The following PRH1 variants were observed in gnomAD, a reference collection of about 807,000 sequenced individuals.
PRH1 encodes the protein proline rich protein HaeIII subfamily 1.
In PRH1, 7 loss-of-function variants were observed where a neutral mutation model predicts 7.9. That is an observed-to-expected ratio of 0.89 (90% CI 0.50 to 1.67). PRH1 has a LOEUF of 1.67. Among genes scored for constraint, PRH1 ranks in the 40% most tolerant of loss-of-function variants. The pLI, the probability that PRH1 is intolerant of heterozygous loss-of-function variation, is 0.00. For synonymous variants in PRH1, 45 were observed against 80.8 expected, an observed-to-expected ratio of 0.56 and a Z score of 2.38; for missense variants, 109 against 223.6, an observed-to-expected ratio of 0.49 and a Z score of 3.27.
intron 2 of PRH1, among the ~76,000 whole-genome samples, chr12:10,892,712 G>A (rs1394419074): frequency 3.3e-5 from 5 of 152,018 alleles, no homozygotes; most frequent in Non-Finnish European, 7.4e-5. Flanking sequence ...AGAATTATGG[G>A]GCTTAGGAAT....
intron 1 of PRH1, among the ~76,000 whole-genome samples, chr12:11,170,864 A>G (rs1319071736): frequency 6.6e-6 from 1 of 152,242 alleles, no homozygotes; most frequent in Non-Finnish European, 1.5e-5. Context: ...TATTATGAAT[A>G]CAGAGACCTT....
At chr12:11,100,936 G>A (rs1220297508) in intron 1 of PRH1, among the ~76,000 whole-genome samples, 1 of 151,970 alleles carries the variant, frequency 6.6e-6, no homozygotes, top group Non-Finnish European at 1.5e-5. Context: ...CTAACAATGT[G>A]AATATAAATA....
At chr12:11,163,324 T>C (rs1041208302) in intron 1 of PRH1, among the ~76,000 whole-genome samples, 4 of 151,820 alleles carry the variant, frequency 2.6e-5, no homozygotes, top group African/African-American at 9.7e-5. Context: ...TATTAAATAA[T>C]CACTAAAAAT....
At chr12:10,989,774 G>A (rs531602175) in intron 1 of PRH1, among the ~76,000 whole-genome samples, 13 of 152,046 alleles carry the variant, frequency 8.6e-5, no homozygotes, top group Admixed American at 2.0e-4. Context: ...GTTAAAGTCC[G>A]CTATGGTTTT....
At chr12:11,141,776 G>A (rs973590432) in intron 1 of PRH1, among the ~76,000 whole-genome samples, 5 of 152,032 alleles carry the variant, frequency 3.3e-5, no homozygotes, top group Admixed American at 6.6e-5. Context: ...AGATACCAGT[G>A]AGAACTTCCT....
At chr12:11,143,798 C>G (rs1422714280) in intron 1 of PRH1, among the ~76,000 whole-genome samples, 1 of 152,118 alleles carries the variant, frequency 6.6e-6, no homozygotes, top group Non-Finnish European at 1.5e-5. Flanking sequence ...AATATATATG[C>G]ACTCAACACT....
At chr12:10,960,767 A>G (rs1392418210) in intron 2 of PRH1, among the ~76,000 whole-genome samples, 1 of 152,230 alleles carries the variant, frequency 6.6e-6, no homozygotes, top group African/African-American at 2.4e-5. Context: ...ATATCAGAAG[A>G]AGAGAGACAT....
At chr12:11,086,136 A>T (rs1944684533) in intron 1 of PRH1, among the ~76,000 whole-genome samples, 2 of 112,620 alleles carry the variant, frequency 1.8e-5, no homozygotes, top group African/African-American at 6.7e-5. Flanking sequence ...CTCATGGTTG[A>T]GTAAATTATT....
chr12:10,981,864 ATT>A (rs3033036), intron 1 of PRH1, among the ~76,000 whole-genome samples: 1 of 141,660 alleles, frequency 7.1e-6, no homozygotes. Flanking sequence ...CAAACAACTA[ATT>A]TTTTTTTTTT....
At chr12:10,914,176 A>G (rs966893402) in intron 2 of PRH1, among the ~76,000 whole-genome samples, 3 of 152,348 alleles carry the variant, frequency 2.0e-5, no homozygotes, top group East Asian at 3.9e-4. Context: ...TAAATCACAT[A>G]TTTGAAAGTT....
chr12:10,989,278 T>C (rs991639803), intron 1 of PRH1, among the ~76,000 whole-genome samples: 3 of 152,230 alleles, frequency 2.0e-5, no homozygotes, highest in Non-Finnish European at 4.4e-5. Context: ...CTTGCATCTT[T>C]ATGTGATTCA....
At chr12:10,955,615 AC>A (rs1937915177) in intron 2 of PRH1, among the ~76,000 whole-genome samples, 2 of 152,118 alleles carry the variant, frequency 1.3e-5, no homozygotes, top group South Asian at 2.1e-4. Flanking sequence ...ATTAAAAAAA[AC>A]ATACAAAAGG....
chr12:11,090,086 C>T (rs190240842), intron 1 of PRH1, among the ~76,000 whole-genome samples: 2 of 103,256 alleles, frequency 1.9e-5, no homozygotes, highest in East Asian at 2.3e-4. Flanking sequence ...TATTAATGAA[C>T]GTAATAGAAT....
rs546242474 is a variant in PRH1, at chr12:10,965,271, C to G, written c.-59+8384G>C. On this transcript the variant is annotated intron_variant, in intron 2 of 3. Transcript: ENST00000539853. Reference sequence around the variant, plus strand: ...ACCCACTCAATGGAATTTACCAACACTATGAAGCCATTAGCAAAATTCCCA... The same window carrying G: ...ACCCACTCAATGGAATTTACCAACAGTATGAAGCCATTAGCAAAATTCCCA... The G allele has an allele frequency of 3.4e-6, 5 of 1,452,468 alleles. No individual in the cohort carries two copies. In the East Asian group the frequency reaches 1.3e-4, roughly 39 times the overall value. 90.0% of individuals were successfully genotyped at this position (1,452,468 alleles called of 1,614,324 possible). A position where few individuals can be genotyped will look rare whatever the true frequency, so the allele number is the denominator to read the frequency against.
At chr12:11,021,632 C>T (rs748582949) in intron 1 of PRH1, 1 of 1,550,776 alleles carries the variant, frequency 6.4e-7, no homozygotes, top group Non-Finnish European at 8.8e-7. Context: ...ACGATGCTCC[C>T]CTTGTGAATC....
At chr12:11,115,935 T>A (rs117538591), downstream of PRH1, among the ~76,000 whole-genome samples, 41 of 151,908 alleles carry the variant, frequency 2.7e-4, no homozygotes, top group Non-Finnish European at 4.3e-4. Flanking sequence ...AGGGCCTACA[T>A]CAGAAAAGAA....
At position 10,939,667 on chromosome 12, in the gene PRH1, A is replaced by G. The variant is rs146303261; in HGVS notation, c.-59+33988T>C. Among the ~76,000 whole-genome samples, 289 of 151,760 alleles carry G rather than the reference A, an allele frequency of 1.9e-3. 1 individual carries two copies. The highest frequency in any genetic ancestry group is 6.7e-3 in the African/African-American group (276 of 41,370). ...CTTTGTAAGCACTGAGAATTTTTAC[A>G]TACTTCCGTGTTTGGGTGGAGAAAA... On this transcript the variant is annotated intron_variant, in intron 2 of 3. Transcript: ENST00000539853.
chr12:10,913,828 T>C (rs1284501052), intron 2 of PRH1, among the ~76,000 whole-genome samples: 1 of 152,202 alleles, frequency 6.6e-6, no homozygotes, highest in Non-Finnish European at 1.5e-5. Context: ...CAAGGGTCAA[T>C]AAACCATCTA....
intron 2 of PRH1, among the ~76,000 whole-genome samples, chr12:10,949,170 G>C (rs1325087883): frequency 2.6e-5 from 4 of 152,180 alleles, no homozygotes; most frequent in African/African-American, 9.7e-5. Flanking sequence ...CTTAGTAGTG[G>C]TTGTGGCCAA....
Sources: allele counts gnomAD v4.1 joint callset (sites outside exome capture counted in the v4.1 genomes callset), GRCh38; gene constraint gnomAD v4.1.1; transcripts MANE v1.5; gene names NCBI Gene and HGNC (gene_info 2026-07-23, HGNC 2026-07-21).